The following AURKA variants were observed in gnomAD, a reference collection of about 807,000 sequenced individuals.
AURKA encodes aurora 2.
In AURKA, 12 loss-of-function variants were observed where a neutral mutation model predicts 40.9. The observed-to-expected ratio is 0.29, with a 90% confidence interval of 0.19 to 0.48. AURKA has a LOEUF of 0.48. Among genes scored for constraint, AURKA ranks in the 20% least tolerant of loss-of-function variants. The pLI, the probability that AURKA is intolerant of heterozygous loss-of-function variation, is 0.99. For missense variants in AURKA, 322 were observed against 462.1 expected (o/e 0.70, Z 2.78); for synonymous variants, 170 against 164.3 (o/e 1.03, Z -0.26).
At chr20:56,381,188 T>C (rs1377554211) in intron 6 of AURKA, among the ~76,000 whole-genome samples, 1 of 152,220 alleles carries the variant, frequency 6.6e-6, no homozygotes, top group African/African-American at 2.4e-5. Flanking sequence ...ATACATTATA[T>C]ACATTTCCAT....
At position 56,384,233 on chromosome 20, in the gene AURKA, T is replaced by G. The variant is rs767873280; in HGVS notation, c.374+37A>C. On this transcript the variant is annotated intron_variant, in intron 4 of 8. Transcript: ENST00000395915. ...TTTGCAACGAAATAATATATTCTAG[T>G]AGAACAGTACAGAACTTTGTAAATA... 2.0e-6 allele frequency: 3 copies of G among 1,530,726 alleles called. No individual in the cohort carries two copies. In the African/African-American group the frequency reaches 4.1e-5, roughly 21 times the overall value. The allele number at this position is 1,530,726 out of a possible 1,614,324, so 94.8% of individuals were successfully genotyped here.
intron 3 of AURKA, 91 bp downstream of exon 3, chr20:56,386,166 G>C: frequency 1.3e-6 from 2 of 1,536,962 alleles, no homozygotes; most frequent in Non-Finnish European, 1.8e-6. Flanking sequence ...AAAAGCTAAG[G>C]CTCCAAACAA....
intron 6 of AURKA, among the ~76,000 whole-genome samples, chr20:56,377,705 T>C (rs925611162): frequency 1.3e-5 from 2 of 151,976 alleles, no homozygotes; most frequent in Non-Finnish European, 2.9e-5. Flanking sequence ...GAGAATCGCT[T>C]GAACCCAAGA....
chr20:56,376,148 G>A (rs1293924764), intron 6 of AURKA, among the ~76,000 whole-genome samples: 1 of 152,072 alleles, frequency 6.6e-6, no homozygotes, highest in Non-Finnish European at 1.5e-5. Flanking sequence ...ATCAGAAACT[G>A]AAGAAAAAGA....
At chr20:56,370,759 C>G (rs1466921693) in intron 7 of AURKA, 100 bp from the exon 8 acceptor site, 20 of 1,314,880 alleles carry the variant, frequency 1.5e-5, no homozygotes, top group Non-Finnish European at 1.9e-5. Context: ...AGGTCTTCCC[C>G]TGGGCCAGAT....
At chr20:56,381,610 G>A (rs926928149) in intron 5 of AURKA, 39 bp from the exon 6 acceptor site, 2 of 1,610,288 alleles carry the variant, frequency 1.2e-6, no homozygotes, top group Admixed American at 3.3e-5. Flanking sequence ...TTGGTTTGGA[G>A]CTCACAGAAG....
At position 56,388,177 on chromosome 20, in the gene AURKA, G is replaced by C. The variant is rs142322743; in HGVS notation, c.21C>G (p.Asn7Lys). ...TTACCTTAACAGGTCCTGAAATGCA[G>C]TTTTCTTTAGATCGGTCCATGATGC... MDRSKE[N>K]CISGPVKATA... is the part of the protein sequence containing the mutation. The change falls in exon 2 of 9, where the codon AAC becomes AAG. Residue 7 changes from asparagine to lysine, a missense_variant. By Grantham distance (94) the Asn-to-Lys change is moderately conservative. Transcript: ENST00000395915. The C allele has an allele frequency of 1.2e-6, 2 of 1,614,030 alleles. No individual in the cohort carries two copies. The highest frequency in any genetic ancestry group is 1.7e-6 in the Non-Finnish European group (2 of 1,179,986).
At chr20:56,384,461 TAAA>T in intron 3 of AURKA, 137 bp from the exon 4 acceptor site, 3 of 688,382 alleles carry the variant, frequency 4.4e-6, no homozygotes, top group Non-Finnish European at 7.2e-6. Flanking sequence ...TTTTTTTTTT[TAAA>T]GTTTTCCTTA....
chr20:56,391,645 G>T (rs896141360), intron 1 of AURKA, among the ~76,000 whole-genome samples: 3 of 152,048 alleles, frequency 2.0e-5, no homozygotes, highest in African/African-American at 7.2e-5. Context: ...CCTCTGCAAG[G>T]AGGTTCTCAT....
rs759525952 is a variant in AURKA, at chr20:56,386,366, C to T, written c.210G>A (p.Pro70=). The T allele has an allele frequency of 5.0e-5, 81 of 1,614,124 alleles. No homozygotes were observed. The Admixed American group carries it at 1.3e-3, about 26-fold the overall frequency. Residue 70 remains proline (P), a synonymous_variant, in exon 3 of 9, where the codon CCG becomes CCA. Transcript: ENST00000395915. ...QAQKLVSSHK[P]VQNQKQKQLQ... ...ATTGCTTCTGCTTCTGATTCTGAAC[C>T]GGCTTGTGACTGGAGACAAGCTTTT... is the stretch of plus-strand genomic sequence containing the variant.
chr20:56,378,908 G>A (rs1017947602), intron 6 of AURKA, among the ~76,000 whole-genome samples: 18 of 152,104 alleles, frequency 1.2e-4, no homozygotes, highest in African/African-American at 4.3e-4. Flanking sequence ...TGAGACACAG[G>A]ATTTTTTTTT....
At chr20:56,371,085 G>A (rs1241992259) in intron 7 of AURKA, among the ~76,000 whole-genome samples, 3 of 152,204 alleles carry the variant, frequency 2.0e-5, no homozygotes, top group Non-Finnish European at 4.4e-5. Flanking sequence ...GGGTGGAGAT[G>A]TAGACACATG....
At chr20:56,385,658 T>A (rs955316286) in intron 3 of AURKA, among the ~76,000 whole-genome samples, 2 of 151,794 alleles carry the variant, frequency 1.3e-5, no homozygotes, top group Non-Finnish European at 2.9e-5. Context: ...ACAGGGTTTC[T>A]CCATGTTGGT....
At position 56,383,087 on chromosome 20, in the gene AURKA, C is replaced by T. The variant is rs2146190950; in HGVS notation, c.464G>A (p.Ser155Asn). 1.2e-6 allele frequency: 2 copies of T among 1,614,238 alleles called. No individual in the cohort carries two copies. The highest frequency in any genetic ancestry group is 2.2e-5 in the East Asian group (1 of 44,894). Residue 155 changes from serine (S) to asparagine (N), a missense_variant, in exon 5 of 9, where the codon AGC becomes AAC. Ser to Asn is a conservative substitution (Grantham distance 46, BLOSUM62 1). Coordinates refer to ENST00000395915, the MANE Select transcript of AURKA (RefSeq NM_198437.3). ...GNVYLAREKQ[S>N]KFILALKVLF... ...CACTTTAAGAGCCAGAATAAACTTGCTTTGCTTTTCTCTTGCCAAATAAAC... is the reference window on the plus strand; with the variant it reads ...CACTTTAAGAGCCAGAATAAACTTGTTTTGCTTTTCTCTTGCCAAATAAAC...
chr20:56,388,261 G>C, intron 1 of AURKA, 59 bp from the exon 2 acceptor site: 2 of 1,079,496 alleles, frequency 1.9e-6, no homozygotes, highest in Non-Finnish European at 2.4e-6. Flanking sequence ...AAGTGCTGTT[G>C]CTCGATAGGC....
At chr20:56,371,675 A>G (rs189402987) in intron 7 of AURKA, among the ~76,000 whole-genome samples, 8 of 151,048 alleles carry the variant, frequency 5.3e-5, no homozygotes, top group African/African-American at 1.5e-4. Context: ...CACAGAGACA[A>G]TCCAACCACA....
rs747256704 is a variant in AURKA, at chr20:56,381,434, G to A, written c.704C>T (p.Thr235Ile). 6.2e-7 allele frequency: 1 copy of A among 1,612,584 alleles called. No homozygotes were observed. The change falls in exon 6 of 9, where the codon ACT becomes ATT. Residue 235 changes from threonine to isoleucine, a missense_variant and splice_region_variant. Physicochemically the swap from Thr to Ile is moderately conservative, Grantham distance 89. Transcript: ENST00000395915. ...CCTGGACAATAAATGAACACTTACAGTAGCAGTTCTCTGCTCATCAAACTT... is the reference window on the plus strand; with the variant it reads ...CCTGGACAATAAATGAACACTTACAATAGCAGTTCTCTGCTCATCAAACTT... ...LSKFDEQRTA[T>I]YITELANALS...
chr20:56,373,606 G>A lies in AURKA; in HGVS notation c.706-50C>T. 1 of 1,589,268 alleles carries A rather than the reference G, an allele frequency of 6.3e-7. No individual in the cohort carries two copies. Among genetic ancestry groups the A allele is most frequent in the Non-Finnish European group, 8.6e-7 (1 of 1,158,092 alleles). On this transcript the variant is annotated intron_variant, in intron 6 of 8. Coordinates refer to ENST00000395915, the MANE Select transcript of AURKA (RefSeq NM_198437.3). This position sits in a 1 kb window ranked among gnomAD's most constrained non-coding sequence, Gnocchi z 5.0. Reference sequence around the variant, plus strand: ...ATGTTTTAGATTTTATATAACACAAGTTAATATTAGACATCTCTTCCGAAA... The same window carrying A: ...ATGTTTTAGATTTTATATAACACAAATTAATATTAGACATCTCTTCCGAAA...
chr20:56,392,169 T>A lies in AURKA; in HGVS notation c.-7A>T, dbSNP rs1463070398. On this transcript the variant is annotated splice_region_variant and 5_prime_UTR_variant, in exon 1 of 9. Transcript: ENST00000395915. ...GTCTACCCACCCGTCGGCTCCCACCTGCGACCCAAGGACCCAAGTCTTCCA... is the reference window on the plus strand; with the variant it reads ...GTCTACCCACCCGTCGGCTCCCACCAGCGACCCAAGGACCCAAGTCTTCCA... 4 of 152,202 alleles carry A rather than the reference T, an allele frequency of 2.6e-5. No individual in the cohort carries two copies. Among genetic ancestry groups the A allele is most frequent in the Admixed American group, 2.6e-4 (4 of 15,276 alleles). 9.4% of individuals were successfully genotyped at this position (152,202 alleles called of 1,614,324 possible). A position where few individuals can be genotyped will look rare whatever the true frequency, so the allele number is the denominator to read the frequency against.
Sources: allele counts gnomAD v4.1 joint callset (sites outside exome capture counted in the v4.1 genomes callset), GRCh38; gene constraint gnomAD v4.1.1; non-coding constraint Gnocchi (gnomAD v3.1); transcripts MANE v1.5; gene names NCBI Gene and HGNC (gene_info 2026-07-23, HGNC 2026-07-21).